STAP1: variants seen among roughly 807,000 people sequenced by gnomAD.
STAP1 encodes signal transducing adaptor family member 1, also known as signal-transducing adaptor protein 1.
STAP1 carries 30 observed loss-of-function variants against 37.8 expected under a neutral mutation model. The ratio of observed to expected loss-of-function variants is 0.79; its 90% confidence interval spans 0.59 to 1.08. STAP1 has a LOEUF of 1.08. Among genes scored for constraint, STAP1 ranks in the 50% least tolerant of loss-of-function variants. The pLI is 0.00. For missense variants in STAP1, 357 were observed against 349.4 expected (o/e 1.02, Z -0.17); for synonymous variants, 130 against 116.0 (o/e 1.12, Z -0.78).
At position 67,581,480 on chromosome 4, in the gene STAP1, A is replaced by C; in HGVS notation, c.530+9A>C. The stretch of plus-strand genomic sequence containing the variant: ...CTGAACCCTATGCCAGCGTAAGTGC[A>C]CAATGAACTGCAGTTTATTCATTCG... On this transcript the variant is annotated intron_variant, in intron 5 of 8. Coordinates refer to ENST00000265404, the MANE Select transcript of STAP1 (RefSeq NM_012108.4). 1 of 1,596,688 alleles carries C rather than the reference A, an allele frequency of 6.3e-7. No individual in the cohort carries two copies. Among genetic ancestry groups the C allele is most frequent in the South Asian group, 1.1e-5 (1 of 87,736 alleles).
At chr4:67,599,321 G>A (rs1289697339) in intron 8 of STAP1, among the ~76,000 whole-genome samples, 2 of 152,186 alleles carry the variant, frequency 1.3e-5, no homozygotes, top group Non-Finnish European at 1.5e-5. Flanking sequence ...GAATTCAGCA[G>A]TGAAGCCATT....
intron 1 of STAP1, among the ~76,000 whole-genome samples, chr4:67,570,553 T>C (rs1201711540): frequency 6.6e-6 from 1 of 152,144 alleles, no homozygotes; most frequent in Non-Finnish European, 1.5e-5. Context: ...TCCTAGCTAC[T>C]CTGGAGGCTG....
intron 1 of STAP1, among the ~76,000 whole-genome samples, chr4:67,568,279 A>G (rs928353849): frequency 2.0e-5 from 3 of 152,230 alleles, no homozygotes; most frequent in African/African-American, 7.2e-5. Context: ...AATAAAAGAG[A>G]AAACCCTTTA....
chr4:67,582,674 G>A (rs191797030), intron 5 of STAP1, among the ~76,000 whole-genome samples: 16 of 151,232 alleles, frequency 1.1e-4, no homozygotes, highest in East Asian at 5.8e-4. Context: ...TCTTGACTAC[G>A]ATTTACAGGT....
At chr4:67,559,776 T>C (rs1309218752) in intron 1 of STAP1, among the ~76,000 whole-genome samples, 1 of 152,106 alleles carries the variant, frequency 6.6e-6, no homozygotes, top group Non-Finnish European at 1.5e-5. Context: ...CCATCAGAAA[T>C]GTTTAATGAT....
intron 6 of STAP1, among the ~76,000 whole-genome samples, chr4:67,585,370 A>G (rs1727958324): frequency 6.6e-6 from 1 of 152,238 alleles, no homozygotes; most frequent in Non-Finnish European, 1.5e-5. Context: ...TCCAGAGACA[A>G]ATTTAAAACA....
intron 8 of STAP1, among the ~76,000 whole-genome samples, chr4:67,605,388 CAAA>C (rs10643250): frequency 8.0e-6 from 1 of 124,750 alleles, no homozygotes; most frequent in African/African-American, 3.1e-5. Flanking sequence ...ATAGACAATA[CAAA>C]AAAAAAAAAA....
At position 67,562,068 on chromosome 4, in the gene STAP1, C is replaced by CAAA. The variant is rs71219057; in HGVS notation, c.120+3160_120+3162dup. 5.2e-4 allele frequency among the ~76,000 whole-genome samples: 40 copies of CAAA among 77,230 alleles called. No individual in the cohort carries two copies. The East Asian group carries it at 5.5e-3, about 11-fold the overall frequency. 50.7% of individuals were successfully genotyped at this position (77,230 alleles called of 152,430 possible). A position where few individuals can be genotyped will look rare whatever the true frequency, so the allele number is the denominator to read the frequency against. ...GCCTGGCAATAGAGCGAGACTCTGTCAAAAAAAAAAAAAAAAAAAAAAAGA... is the reference window on the plus strand; with the variant it reads ...GCCTGGCAATAGAGCGAGACTCTGTCAAAAAAAAAAAAAAAAAAAAAAAAAAGA... On this transcript the variant is annotated intron_variant, in intron 1 of 8. Coordinates refer to ENST00000265404, the MANE Select transcript of STAP1 (RefSeq NM_012108.4).
chr4:67,597,403 C>T (rs1479118775), intron 8 of STAP1, among the ~76,000 whole-genome samples: 1 of 152,218 alleles, frequency 6.6e-6, no homozygotes, highest in African/African-American at 2.4e-5. Context: ...TCGACTAGGG[C>T]AATGCAGAGG....
At chr4:67,562,499 C>T (rs1273356037) in intron 1 of STAP1, among the ~76,000 whole-genome samples, 1 of 151,450 alleles carries the variant, frequency 6.6e-6, no homozygotes, top group Admixed American at 6.6e-5. Context: ...GGCGTGGTGG[C>T]TCACGCCTGT....
At chr4:67,597,820 T>C (rs186789552) in intron 8 of STAP1, among the ~76,000 whole-genome samples, 188 of 152,324 alleles carry the variant, frequency 1.2e-3, no homozygotes, top group African/African-American at 4.2e-3. Context: ...TGTACCCCCA[T>C]TGTATCTTGG....
chr4:67,572,027 A>G (rs1486405659), intron 2 of STAP1, among the ~76,000 whole-genome samples: 1 of 152,208 alleles, frequency 6.6e-6, no homozygotes, highest in Admixed American at 6.5e-5. Context: ...TAAGTGAGAG[A>G]GCTAACAATT....
intron 5 of STAP1, 80 bp downstream of exon 5, chr4:67,581,551 C>A: frequency 6.8e-7 from 1 of 1,479,680 alleles, no homozygotes. Flanking sequence ...TAGTCACTTG[C>A]TCTTGTTAAG....
intron 1 of STAP1, among the ~76,000 whole-genome samples, chr4:67,562,068 CAAAAAAA>C (rs71219057): frequency 4.8e-4 from 37 of 77,264 alleles, no homozygotes; most frequent in African/African-American, 1.4e-3. Flanking sequence ...GAGACTCTGT[CAAAAAAA>C]AAAAAAAAAA....
chr4:67,573,135 T>A (rs1189799268), intron 2 of STAP1, among the ~76,000 whole-genome samples: 1 of 152,232 alleles, frequency 6.6e-6, no homozygotes, highest in African/African-American at 2.4e-5. Context: ...TTTGAAAGGC[T>A]GTCAGGAAGT....
intron 1 of STAP1, among the ~76,000 whole-genome samples, chr4:67,563,457 G>T (rs748837391): frequency 3.9e-5 from 6 of 152,236 alleles, no homozygotes; most frequent in Non-Finnish European, 8.8e-5. Flanking sequence ...TGTAATCCCA[G>T]CACTTATGGA....
Position 67,571,144 on chromosome 4 carries a change from A to G in STAP1, c.181A>G (p.Lys61Glu). ...GTTLFFYTDK[K>E]SIIYVDKLDI... ...TACTCTTTTCTTTTATACCGACAAA[A>G]AGAGTATAATAGTAAGTAAATATGT... The change falls in exon 2 of 9, where the codon AAG (lysine) becomes GAG (glutamate). Residue 61 changes from lysine (K) to glutamate (E), a missense_variant. Physicochemically the swap from Lys to Glu is moderately conservative, Grantham distance 56. Coordinates refer to ENST00000265404, the MANE Select transcript of STAP1 (RefSeq NM_012108.4). The G allele has an allele frequency of 6.2e-7, 1 of 1,604,610 alleles. No individual in the cohort carries two copies. Among genetic ancestry groups the G allele is most frequent in the Non-Finnish European group, 8.5e-7 (1 of 1,171,480 alleles).
In STAP1 at chr4:67,590,924, C is replaced by G; in HGVS notation, c.700C>G (p.Gln234Glu). Residue 234 changes from glutamine (Q) to glutamate (E), a missense_variant, in exon 7 of 9, where the codon CAA becomes GAA. Coordinates refer to ENST00000265404, the MANE Select transcript of STAP1 (RefSeq NM_012108.4). ...GCACTACAAAGTGATGAGCGTAGGA[C>G]AAAACTACACTATTGAACTGGAAAA... ...IKHYKVMSVG[Q>E]NYTIELEKPV... 6.2e-7 allele frequency: 1 copy of G among 1,612,294 alleles called. No individual in the cohort carries two copies. Among genetic ancestry groups the G allele is most frequent in the Non-Finnish European group, 8.5e-7 (1 of 1,179,276 alleles).
chr4:67,567,593 A>T (rs1037164327), intron 1 of STAP1, among the ~76,000 whole-genome samples: 1 of 152,246 alleles, frequency 6.6e-6, no homozygotes, highest in African/African-American at 2.4e-5. Flanking sequence ...TACAGCAAAC[A>T]ATAATTTTCT....
Sources: allele counts gnomAD v4.1 joint callset (sites outside exome capture counted in the v4.1 genomes callset), GRCh38; gene constraint gnomAD v4.1.1; transcripts MANE v1.5; gene names NCBI Gene and HGNC (gene_info 2026-07-23, HGNC 2026-07-21).